ARHGAP6: variants seen among roughly 807,000 people sequenced by gnomAD.
ARHGAP6 encodes the protein Rho GTPase activating protein 6.
A neutral mutation model predicts 55.7 loss-of-function variants in ARHGAP6; 16 were observed. That is an observed-to-expected ratio of 0.29 (90% CI 0.19 to 0.44). The LOEUF (loss-of-function observed/expected upper bound fraction) is 0.44, where lower values mean the gene tolerates loss of function less well. Among genes scored for constraint, ARHGAP6 ranks in the 20% least tolerant of loss-of-function variants. The pLI is 1.00. For synonymous variants in ARHGAP6, 382 were observed against 360.9 expected (o/e 1.06, Z -0.66); for missense variants, 698 against 808.9 (o/e 0.86, Z 1.66).
chrX:11,588,527 T>C (rs745395347), intron 1 of ARHGAP6, among the ~76,000 whole-genome samples: 3 of 112,234 alleles, frequency 2.7e-5, no homozygotes, highest in African/African-American at 9.7e-5. Context: ...CAACTATCCA[T>C]CACCTGAAAA....
intron 1 of ARHGAP6, among the ~76,000 whole-genome samples, chrX:11,480,881 A>C (rs2050449232): frequency 8.9e-6 from 1 of 112,091 alleles, no homozygotes; most frequent in Admixed American, 9.5e-5. Context: ...TTATCTAGCA[A>C]GAGCTCATTG....
chrX:11,564,311 C>T (rs2051419371), intron 1 of ARHGAP6, among the ~76,000 whole-genome samples: 1 of 110,926 alleles, frequency 9.0e-6, no homozygotes, highest in African/African-American at 3.3e-5. Context: ...CTTCAGAACA[C>T]TATTGATTAC....
intron 1 of ARHGAP6, among the ~76,000 whole-genome samples, chrX:11,411,183 T>TTTTATATATATATATATA (rs1196355643): frequency 3.1e-5 from 1 of 31,775 alleles, no homozygotes; most frequent in African/African-American, 9.8e-5. Flanking sequence ...CAGACATTAT[T>TTTTATATATATATATATA]TATATATATA....
At chrX:11,143,750 G>A in intron 11 of ARHGAP6, 1 of 1,128,895 alleles carries the variant, frequency 8.9e-7, no homozygotes, top group Non-Finnish European at 1.2e-6. Flanking sequence ...AGATATCTGA[G>A]ACTTGGAGTG....
chrX:11,178,276 A>G (rs1404988397), intron 7 of ARHGAP6, 28 bp from the exon 8 acceptor site: 1 of 1,178,251 alleles, frequency 8.5e-7, no homozygotes, highest in Admixed American at 2.4e-5. Flanking sequence ...AGGTACTCAA[A>G]TAAAAGGGGA....
At chrX:11,199,690 AG>A (rs758319841) in intron 2 of ARHGAP6, among the ~76,000 whole-genome samples, 1 of 112,651 alleles carries the variant, frequency 8.9e-6, no homozygotes, top group South Asian at 3.7e-4. Flanking sequence ...AACATCTTGA[AG>A]TCTCCTTACA....
intron 1 of ARHGAP6, among the ~76,000 whole-genome samples, chrX:11,392,720 A>C (rs1307873115): frequency 1.8e-5 from 2 of 112,082 alleles, no homozygotes; most frequent in African/African-American, 6.5e-5. Flanking sequence ...AAATCACAGA[A>C]GGAAGAATCA....
intron 1 of ARHGAP6, among the ~76,000 whole-genome samples, chrX:11,354,206 C>T (rs1301231754): frequency 9.5e-6 from 1 of 104,907 alleles, no homozygotes; most frequent in Admixed American, 1.0e-4. Flanking sequence ...AAGTTTGTTG[C>T]AATGATTACA....
chrX:11,138,854 G>T lies in ARHGAP6; in HGVS notation c.*9C>A, dbSNP rs1012030819. 2.6e-6 allele frequency: 3 copies of T among 1,172,591 alleles called. No homozygotes were observed. In the African/African-American group the frequency reaches 5.3e-5, roughly 21 times the overall value. ...GCTCGGGGCAGGGGGGGCTCGGCTG[G>T]GTGCGGGCTCAGACCAGCGTCTCGG... On this transcript the variant is annotated 3_prime_UTR_variant, in exon 13 of 13. Coordinates refer to ENST00000337414, the MANE Select transcript of ARHGAP6 (RefSeq NM_013427.3).
intron 1 of ARHGAP6, among the ~76,000 whole-genome samples, chrX:11,623,620 C>G (rs918645665): frequency 3.8e-5 from 4 of 106,439 alleles, no homozygotes; most frequent in African/African-American, 1.4e-4. Context: ...TGGCGTGAAC[C>G]CGGGAGGCGG....
intron 1 of ARHGAP6, among the ~76,000 whole-genome samples, chrX:11,651,618 T>C (rs2052585121): frequency 8.9e-6 from 1 of 112,028 alleles, no homozygotes; most frequent in Non-Finnish European, 1.9e-5. Flanking sequence ...CATGTATCTT[T>C]ATAAAAGAAA....
At chrX:11,606,683 A>G (rs2052039417) in intron 1 of ARHGAP6, among the ~76,000 whole-genome samples, 1 of 111,733 alleles carries the variant, frequency 8.9e-6, no homozygotes, top group Admixed American at 9.5e-5. Context: ...CCATTTCTTA[A>G]ATTACTTTTG....
intron 2 of ARHGAP6, among the ~76,000 whole-genome samples, chrX:11,216,128 G>A (rs752993293): frequency 9.2e-6 from 1 of 108,720 alleles, no homozygotes; most frequent in Non-Finnish European, 1.9e-5. Context: ...AGCTTTAATG[G>A]GCAGAGAGCC....
chrX:11,570,509 G>C (rs2051500904), intron 1 of ARHGAP6, among the ~76,000 whole-genome samples: 1 of 110,628 alleles, frequency 9.0e-6, no homozygotes, highest in Non-Finnish European at 1.9e-5. Flanking sequence ...AGTGCTTACA[G>C]TGTCCTAGGA....
chrX:11,225,219 C>CA (rs941540348), intron 2 of ARHGAP6, among the ~76,000 whole-genome samples: 11 of 110,724 alleles, frequency 9.9e-5, no homozygotes, highest in Non-Finnish European at 1.7e-4. Context: ...GAGAGGAGAA[C>CA]ACTGTTGTTG....
intron 1 of ARHGAP6, among the ~76,000 whole-genome samples, chrX:11,395,232 C>T (rs113808306): frequency 0.048 from 5,298 of 111,459 alleles, 152 homozygotes; most frequent in African/African-American, 0.1. Context: ...AGGAAGAAGC[C>T]CTCTTCTGAA....
rs757069327 is a variant in ARHGAP6, at chrX:11,632,449, A to G, written c.588+31792T>C. Among the ~76,000 whole-genome samples, 9 of 112,383 alleles carry G rather than the reference A, an allele frequency of 8.0e-5. No individual in the cohort carries two copies. In the South Asian group the frequency reaches 3.3e-3, roughly 41 times the overall value. Reference sequence around the variant, plus strand: ...TTAAAACCTGCCTTTATGGGTAGAGAATTGAAATACCTTAAACATAGCTTA... The same window carrying G: ...TTAAAACCTGCCTTTATGGGTAGAGGATTGAAATACCTTAAACATAGCTTA... On this transcript the variant is annotated intron_variant, in intron 1 of 12. Transcript: ENST00000337414.
intron 1 of ARHGAP6, among the ~76,000 whole-genome samples, chrX:11,554,445 T>A (rs1388035194): frequency 8.9e-6 from 1 of 111,891 alleles, no homozygotes; most frequent in African/African-American, 3.3e-5. Context: ...AAGAAAAGAT[T>A]TGAAATATTC....
intron 1 of ARHGAP6, among the ~76,000 whole-genome samples, chrX:11,423,378 T>C (rs2049846066): frequency 8.9e-6 from 1 of 112,752 alleles, no homozygotes; most frequent in Admixed American, 9.3e-5. Context: ...ACTTTCATAG[T>C]TTCCATTCTA....
Sources: allele counts gnomAD v4.1 joint callset (sites outside exome capture counted in the v4.1 genomes callset), GRCh38; gene constraint gnomAD v4.1.1; transcripts MANE v1.5; gene names NCBI Gene and HGNC (gene_info 2026-07-23, HGNC 2026-07-21).